The following THOC5 variants were observed in gnomAD, a reference collection of about 807,000 sequenced individuals.
THOC5 encodes Fms-interacting protein.
Under a neutral mutation model 92.9 loss-of-function variants are expected in THOC5, and 43 were observed. The ratio of observed to expected loss-of-function variants is 0.46; its 90% CI spans 0.36 to 0.60. The LOEUF is 0.60. Among genes scored for constraint, THOC5 ranks in the 20% least tolerant of loss-of-function variants. The pLI is 0.00. For missense variants in THOC5, 659 were observed against 849.4 expected, an observed-to-expected ratio of 0.78 and a Z score of 2.79; for synonymous variants, 296 against 320.1, an observed-to-expected ratio of 0.92 and a Z score of 0.80.
At chr22:29,552,277 G>A (rs553115388) in intron 1 of THOC5, among the ~76,000 whole-genome samples, 396 of 145,484 alleles carry the variant, frequency 2.7e-3, no homozygotes, top group African/African-American at 9.6e-3. Context: ...CCCTCTGCCC[G>A]GCTGCCCAGT....
Position 29,528,098 on chromosome 22 carries a change from A to G in THOC5, c.1046T>C (p.Met349Thr), listed in dbSNP as rs760909560. 5 of 1,614,230 alleles carry G rather than the reference A, an allele frequency of 3.1e-6. No homozygotes were observed. In the Admixed American group the frequency reaches 6.7e-5, roughly 22 times the overall value. Residue 349 changes from methionine (M) to threonine (T), a missense_variant, in exon 11 of 20, where the codon ATG becomes ACG. By Grantham distance (81) the Met-to-Thr change is moderately conservative. Transcript: ENST00000490103. ...CAGACCTTTGCACTTCAGGTCGAGC[A>G]TGACAGACAGTGGGTGCCTCTTCAG... is the stretch of plus-strand genomic sequence containing the variant. ...EMLKRHPLSVMLDLKCKDDSV... is the reference protein window; with the variant it reads ...EMLKRHPLSVTLDLKCKDDSV...
chr22:29,519,925 C>T lies in THOC5; in HGVS notation c.1374+83G>A, dbSNP rs181275089. 6 of 1,168,486 alleles carry T rather than the reference C, an allele frequency of 5.1e-6. No homozygotes were observed. The African/African-American group carries it at 6.1e-5, about 12-fold the overall frequency. 72.4% of individuals were successfully genotyped at this position (1,168,486 alleles called of 1,614,324 possible). ...CAAGGATTATAGGCATGAGCCACCG[C>T]ACCTGGCCTGGCCTTTCTAGAGTCT... On this transcript the variant is annotated intron_variant, in intron 14 of 19. Coordinates refer to ENST00000490103, the MANE Select transcript of THOC5 (RefSeq NM_003678.5).
chr22:29,510,478 G>A (rs915535780), intron 19 of THOC5, among the ~76,000 whole-genome samples: 2 of 152,056 alleles, frequency 1.3e-5, no homozygotes, highest in African/African-American at 4.8e-5. Flanking sequence ...CATGTCTGTG[G>A]TCCCAGCTAC....
intron 7 of THOC5, among the ~76,000 whole-genome samples, 197 bp from the exon 8 acceptor site, chr22:29,532,160 T>A (rs941949654): frequency 2.0e-5 from 3 of 152,236 alleles, no homozygotes; most frequent in African/African-American, 7.2e-5. Flanking sequence ...GAAATAAAAT[T>A]GTTTTATTTT....
At chr22:29,509,263 G>A in intron 19 of THOC5, among the ~76,000 whole-genome samples, 1 of 146,508 alleles carries the variant, frequency 6.8e-6, no homozygotes. Context: ...GCGACAGAGT[G>A]AGACTCTGTC....
chr22:29,549,007 T>G, intron 2 of THOC5, 45 bp downstream of exon 2: 849 of 1,582,984 alleles, frequency 5.4e-4, no homozygotes, highest in Non-Finnish European at 6.7e-4. Flanking sequence ...TGCTTGGCCA[T>G]GAGATGTAAT....
In THOC5 at chr22:29,544,473, C is replaced by T; in HGVS notation, c.227G>A (p.Gly76Asp). The change falls in exon 3 of 20, where the codon GGT becomes GAT. Residue 76 changes from glycine (G) to aspartate (D), a missense_variant. Gly to Asp is a moderately conservative substitution (Grantham distance 94). Coordinates refer to ENST00000490103, the MANE Select transcript of THOC5 (RefSeq NM_003678.5). The stretch of plus-strand genomic sequence containing the variant: ...CCCACTCCTTACCACATCCTTGCCA[C>T]CCCTGCTCTTCAGGTCTTGGATCTC... ...MAEIQDLKSR[G>D]GKDVAIEIEE... 2 of 1,613,492 alleles carry T rather than the reference C, an allele frequency of 1.2e-6. No homozygotes were observed. Among genetic ancestry groups the T allele is most frequent in the Non-Finnish European group, 1.7e-6 (2 of 1,179,824 alleles).
intron 8 of THOC5, among the ~76,000 whole-genome samples, chr22:29,530,382 G>C (rs1414688512): frequency 2.6e-5 from 4 of 151,780 alleles, no homozygotes; most frequent in African/African-American, 9.7e-5. Flanking sequence ...AGCCAGGCAC[G>C]GTGGTGGGTG....
At chr22:29,523,470 A>G (rs1041514045) in intron 12 of THOC5, among the ~76,000 whole-genome samples, 13 of 152,064 alleles carry the variant, frequency 8.5e-5, no homozygotes, top group Non-Finnish European at 1.5e-5. Context: ...CGAAAACCTA[A>G]TCTGATCAAG....
At chr22:29,550,845 T>G (rs921180780) in intron 1 of THOC5, 2 of 152,212 alleles carry the variant, frequency 1.3e-5, no homozygotes, top group Non-Finnish European at 2.9e-5. Flanking sequence ...GCTGAACACC[T>G]AAGGAGAAAG....
chr22:29,531,162 C>G lies in THOC5; in HGVS notation c.847+669G>C. 3.5e-6 allele frequency: 4 copies of G among 1,127,610 alleles called. No homozygotes were observed. The South Asian group carries it at 8.1e-5, about 23-fold the overall frequency. The allele number at this position is 1,127,610 out of a possible 1,614,324, so 69.9% of individuals were successfully genotyped here. A position where few individuals can be genotyped will look rare whatever the true frequency, so the allele number is the denominator to read the frequency against. On this transcript the variant is annotated intron_variant, in intron 8 of 19. Coordinates refer to ENST00000490103, the MANE Select transcript of THOC5 (RefSeq NM_003678.5). The stretch of plus-strand genomic sequence containing the variant: ...AAAGGGGAGGGGAGGACCAGAAGGA[C>G]GAGGAAGACACAAGAAGAGACAGTA...
intron 13 of THOC5, 72 bp downstream of exon 13, chr22:29,520,926 C>T: frequency 8.3e-7 from 1 of 1,209,406 alleles, no homozygotes; most frequent in Non-Finnish European, 1.2e-6. Context: ...TAACAGGTCT[C>T]CAGCATTTAG....
At position 29,507,522 on chromosome 22, in the gene THOC5, C is replaced by CT. The variant is rs2063149767; in HGVS notation, c.*934dup. ...TACAGGCATGCGCCACCACGCTTGG[C>CT]TAATTTCCATGTTTTTAGTAGAGAC... is the stretch of plus-strand genomic sequence containing the variant. On this transcript the variant is annotated 3_prime_UTR_variant, in exon 20 of 20. Transcript: ENST00000490103. The CT allele has an allele frequency of 6.6e-6, 1 of 152,128 alleles. No individual in the cohort carries two copies. Among genetic ancestry groups the CT allele is most frequent in the Non-Finnish European group, 1.5e-5 (1 of 68,038 alleles). The allele number at this position is 152,128 out of a possible 1,614,324, so 9.4% of individuals were successfully genotyped here.
At chr22:29,536,582 TG>T in intron 7 of THOC5, 41 bp downstream of exon 7, 1 of 1,202,384 alleles carries the variant, frequency 8.3e-7, no homozygotes, top group Non-Finnish European at 1.2e-6. Flanking sequence ...TGGCAGCGCC[TG>T]GTCAGTGGTG....
At chr22:29,546,216 T>C (rs1023340432) in intron 2 of THOC5, among the ~76,000 whole-genome samples, 2 of 152,142 alleles carry the variant, frequency 1.3e-5, no homozygotes, top group South Asian at 2.1e-4. Context: ...ACAGGGACCC[T>C]GGGCCTGGCC....
chr22:29,551,400 A>C (rs1449040701), intron 1 of THOC5, among the ~76,000 whole-genome samples: 3 of 151,940 alleles, frequency 2.0e-5, no homozygotes, highest in Non-Finnish European at 4.4e-5. Context: ...CAGCCACTTC[A>C]CTCCAGCCTG....
chr22:29,520,122 A>C lies in THOC5; in HGVS notation c.1278-18T>G. The C allele has an allele frequency of 6.2e-7, 1 of 1,609,518 alleles. No homozygotes were observed. Among genetic ancestry groups the C allele is most frequent in the Non-Finnish European group, 8.5e-7 (1 of 1,176,598 alleles). On this transcript the variant is annotated intron_variant, in intron 13 of 19. Transcript: ENST00000490103. Reference sequence around the variant, plus strand: ...TCAGGATGCTGCAGAAAAGAAGATAAATAAAATTGTGCTGTAAGTCATTTC... The same window carrying C: ...TCAGGATGCTGCAGAAAAGAAGATACATAAAATTGTGCTGTAAGTCATTTC...
At chr22:29,520,802 C>T (rs75708022) in intron 13 of THOC5, among the ~76,000 whole-genome samples, 196 bp downstream of exon 13, 3 of 152,262 alleles carry the variant, frequency 2.0e-5, no homozygotes, top group Non-Finnish European at 4.4e-5. Context: ...AGCATGTTTC[C>T]GAGTTTTGAT....
intron 5 of THOC5, among the ~76,000 whole-genome samples, chr22:29,540,484 C>A (rs1172938424): frequency 1.3e-5 from 2 of 152,090 alleles, no homozygotes; most frequent in African/African-American, 2.4e-5. Context: ...AAGCAGCTTG[C>A]CCAAGGTCCA....
Sources: gnomAD v4.1 joint callset for allele counts (sites outside exome capture counted in the v4.1 genomes callset) on GRCh38, gnomAD v4.1.1 for gene constraint, MANE v1.5 for transcripts, NCBI Gene and HGNC (gene_info 2026-07-23, HGNC 2026-07-21) for gene names.